SPDYE3: variants seen among roughly 807,000 people sequenced by gnomAD.
SPDYE3 encodes the protein speedy/RINGO cell cycle regulator family member E3.
In SPDYE3, 15 loss-of-function variants were observed where a neutral mutation model predicts 55.0. The ratio of observed to expected loss-of-function variants is 0.27; its 90% CI spans 0.18 to 0.42. SPDYE3 has a LOEUF of 0.42. Ranked by LOEUF, SPDYE3 falls within the 10% of genes least tolerant of loss-of-function variation. SPDYE3 has a pLI of 1.00. For missense variants in SPDYE3, 236 were observed against 576.7 expected (o/e 0.41, Z 6.05); for synonymous variants, 89 against 229.9 (o/e 0.39, Z 5.55).
At chr7:100,318,118 A>C (rs1199115933) in intron 8 of SPDYE3, among the ~76,000 whole-genome samples, 1 of 151,782 alleles carries the variant, frequency 6.6e-6, no homozygotes, top group African/African-American at 2.4e-5. Context: ...TCTCCTTCCC[A>C]CATCAACCGC....
intron 8 of SPDYE3, among the ~76,000 whole-genome samples, chr7:100,318,459 T>A (rs1341765877): frequency 2.0e-5 from 3 of 152,186 alleles, no homozygotes; most frequent in Non-Finnish European, 4.4e-5. Flanking sequence ...TGCCCTCCAC[T>A]TGACTTTGCA....
At chr7:100,309,898 C>T (rs1349748352) in intron 2 of SPDYE3, among the ~76,000 whole-genome samples, 1 of 147,326 alleles carries the variant, frequency 6.8e-6, no homozygotes, top group African/African-American at 2.5e-5. Context: ...AGTTTGAGAC[C>T]AGCCTGGCCA....
In SPDYE3 at chr7:100,319,614, A is replaced by T. The variant is rs200892093; in HGVS notation, c.1396A>T (p.Ile466Phe). The T allele has an allele frequency of 4.8e-3, 7,788 of 1,614,096 alleles. 33 individuals carry two copies. Among genetic ancestry groups the T allele is most frequent in the Middle Eastern group, 0.011 (64 of 6,062 alleles). Residue 466 changes from isoleucine (I) to phenylalanine (F), a missense_variant, in exon 9 of 11, where the codon ATC (isoleucine) becomes TTC (phenylalanine). Coordinates refer to ENST00000332397, the MANE Select transcript of SPDYE3 (RefSeq NM_001004351.5). ...EEDDEAPKQKIFYFLYGKTHS... is the reference protein window; with the variant it reads ...EEDDEAPKQKFFYFLYGKTHS... ...GGACGACGAGGCCCCCAAACAAAAG[A>T]TCTTCTACTTCCTGTACGGGAAGAC...
chr7:100,309,706 G>A (rs960220482), intron 2 of SPDYE3, among the ~76,000 whole-genome samples: 2 of 119,400 alleles, frequency 1.7e-5, no homozygotes, highest in African/African-American at 6.2e-5. Flanking sequence ...GGGTGAGAGA[G>A]TGAGACGCTG....
At position 100,319,700 on chromosome 7, in the gene SPDYE3, G is replaced by A. The variant is rs758269161; in HGVS notation, c.1482G>A (p.Pro494=). The A allele has an allele frequency of 5.0e-6, 8 of 1,614,068 alleles. No individual in the cohort carries two copies. The highest frequency in any genetic ancestry group is 4.0e-5 in the African/African-American group (3 of 74,928). The change falls in exon 9 of 11, where the codon CCG becomes CCA. Residue 494 remains proline, a synonymous_variant. Coordinates refer to ENST00000332397, the MANE Select transcript of SPDYE3 (RefSeq NM_001004351.5). ...HWFQLCRPMN[P]RARKNCSQIA... is the part of the protein sequence containing the mutation. ...TCCAGTTATGCCGTCCCATGAACCC[G>A]AGGGCCAGGAAGAACTGCTCTCAGA...
chr7:100,315,193 T>C (rs368859318), intron 6 of SPDYE3, among the ~76,000 whole-genome samples: 4 of 151,990 alleles, frequency 2.6e-5, no homozygotes, highest in African/African-American at 7.3e-5. Context: ...ACAGGAGAAT[T>C]GCTTAAACCC....
chr7:100,317,051 G>A lies in SPDYE3; in HGVS notation c.1261-19G>A, dbSNP rs1806121293. On this transcript the variant is annotated intron_variant, in intron 7 of 10. Transcript: ENST00000332397. ...CAAGATGTGACCTCTCCCTCTCTGT[G>A]TTCCTTTCTCTCCATCAGTATCTCC... 1 of 1,572,394 alleles carries A rather than the reference G, an allele frequency of 6.4e-7. No individual in the cohort carries two copies. The highest frequency in any genetic ancestry group is 8.7e-7 in the Non-Finnish European group (1 of 1,144,096).
chr7:100,320,470 T>G (rs564173982), intron 10 of SPDYE3: 10 of 997,076 alleles, frequency 1.0e-5, no homozygotes, highest in Non-Finnish European at 1.0e-5. Context: ...CATGAGGAGG[T>G]AGGATTATGG....
intron 8 of SPDYE3, among the ~76,000 whole-genome samples, chr7:100,318,565 T>C (rs1789497495): frequency 6.6e-6 from 1 of 152,160 alleles, no homozygotes; most frequent in Non-Finnish European, 1.5e-5. Flanking sequence ...CTGTGATGCC[T>C]TCCCTCATCT....
rs534593169 is a variant in SPDYE3 at position 100,320,934 on chromosome 7, A to G, written c.*89A>G. 1.6e-4 allele frequency: 192 copies of G among 1,232,426 alleles called. No homozygotes were observed. The African/African-American group carries it at 2.5e-3, about 16-fold the overall frequency. The allele number at this position is 1,232,426 out of a possible 1,614,324, so 76.3% of individuals were successfully genotyped here. A position where few individuals can be genotyped will look rare whatever the true frequency, so the allele number is the denominator to read the frequency against. On this transcript the variant is annotated 3_prime_UTR_variant, in exon 11 of 11. Transcript: ENST00000332397. The stretch of plus-strand genomic sequence containing the variant: ...GATGTGGATTTTCAGCAGGAACTTT[A>G]TTCCAGTGCTAATGGCAGACATCAG...
intron 10 of SPDYE3, 155 bp downstream of exon 10, chr7:100,320,190 C>T: frequency 3.5e-6 from 5 of 1,411,076 alleles, no homozygotes; most frequent in Non-Finnish European, 3.8e-6. Context: ...ATGTGGGAGG[C>T]ATCTCTACTC....
Position 100,320,893 on chromosome 7 carries a change from C to T in SPDYE3, c.*48C>T. On this transcript the variant is annotated splice_region_variant and 3_prime_UTR_variant, in exon 11 of 11. Transcript: ENST00000332397. ...GACATTGTCTCTCTCACTTCCAGAA[C>T]ACCGGACCCAGGGGAGATGTGGATT... is the stretch of plus-strand genomic sequence containing the variant. The T allele has an allele frequency of 8.1e-7, 1 of 1,229,832 alleles. No homozygotes were observed. Among genetic ancestry groups the T allele is most frequent in the Non-Finnish European group, 1.1e-6 (1 of 912,290 alleles). 76.2% of individuals were successfully genotyped at this position (1,229,832 alleles called of 1,614,324 possible). A position where few individuals can be genotyped will look rare whatever the true frequency, so the allele number is the denominator to read the frequency against.
chr7:100,311,413 G>A (rs1328752342), intron 3 of SPDYE3, among the ~76,000 whole-genome samples: 1 of 129,994 alleles, frequency 7.7e-6, no homozygotes, highest in Non-Finnish European at 1.6e-5. Flanking sequence ...TGGAATCCGG[G>A]AGATAGATGT....
chr7:100,315,847 A>G lies in SPDYE3; in HGVS notation c.1260+4A>G, dbSNP rs745540890. 1.1e-5 allele frequency: 18 copies of G among 1,600,156 alleles called. No individual in the cohort carries two copies. Among genetic ancestry groups the G allele is most frequent in the Non-Finnish European group, 1.5e-5 (18 of 1,179,706 alleles). Reference sequence around the variant, plus strand: ...AGATCTGAGGGTGTCAGACAAGGTAAGGTTGTTCTCTATGTAACTGTGTTC... The same window carrying G: ...AGATCTGAGGGTGTCAGACAAGGTAGGGTTGTTCTCTATGTAACTGTGTTC... On this transcript the variant is annotated splice_donor_region_variant and intron_variant, in intron 7 of 10. Coordinates refer to ENST00000332397, the MANE Select transcript of SPDYE3 (RefSeq NM_001004351.5).
chr7:100,317,715 C>G (rs1052437589), intron 8 of SPDYE3, among the ~76,000 whole-genome samples: 17 of 151,106 alleles, frequency 1.1e-4, no homozygotes, highest in Non-Finnish European at 2.4e-4. Context: ...CCTGTAATCT[C>G]AACAGTTTGG....
intron 8 of SPDYE3, 47 bp from the exon 9 acceptor site, chr7:100,319,518 T>C (rs1376900380): frequency 1.9e-6 from 3 of 1,613,392 alleles, no homozygotes; most frequent in East Asian, 2.2e-5. Context: ...CAGCCGGAGG[T>C]CTCTCCTGGT....
chr7:100,315,777 A>C lies in SPDYE3; in HGVS notation c.1202-8A>C. 9 of 1,598,544 alleles carry C rather than the reference A, an allele frequency of 5.6e-6. No homozygotes were observed. Among genetic ancestry groups the C allele is most frequent in the Non-Finnish European group, 6.8e-6 (8 of 1,179,722 alleles). ...CTTCTCACGCTGACATCTGCTCTCT[A>C]ATCACAGAGGATCCTGTCATTAAAA... On this transcript the variant is annotated splice_region_variant and splice_polypyrimidine_tract_variant and intron_variant, in intron 6 of 10. Coordinates refer to ENST00000332397, the MANE Select transcript of SPDYE3 (RefSeq NM_001004351.5).
At position 100,321,134 on chromosome 7, in the gene SPDYE3, G is replaced by C. The variant is rs910067712; in HGVS notation, c.*289G>C. ...AGTGTTTCCAGTTCCACCCTTTCCT[G>C]CGGCACCACCTCCCTTTTTATATTG... is the stretch of plus-strand genomic sequence containing the variant. On this transcript the variant is annotated 3_prime_UTR_variant, in exon 11 of 11. Transcript: ENST00000332397. 5.6e-6 allele frequency: 3 copies of C among 533,284 alleles called. No homozygotes were observed. In the African/African-American group the frequency reaches 5.8e-5, roughly 10 times the overall value. The allele number at this position is 533,284 out of a possible 1,614,324, so 33.0% of individuals were successfully genotyped here. A position where few individuals can be genotyped will look rare whatever the true frequency, so the allele number is the denominator to read the frequency against.
rs1262071782 is a variant in SPDYE3, at chr7:100,319,458, A to C, written c.1347-107A>C. Reference sequence around the variant, plus strand: ...CGTGGCTCTCTGCAGGGTGGGTGCCAGTCCTGAGCTAGGGACGGTCCCTTA... The same window carrying C: ...CGTGGCTCTCTGCAGGGTGGGTGCCCGTCCTGAGCTAGGGACGGTCCCTTA... On this transcript the variant is annotated intron_variant, in intron 8 of 10. Transcript: ENST00000332397. 3.2e-6 allele frequency: 5 copies of C among 1,568,986 alleles called. No individual in the cohort carries two copies. The East Asian group carries it at 1.1e-4, about 35-fold the overall frequency.
Sources: allele counts gnomAD v4.1 joint callset (sites outside exome capture counted in the v4.1 genomes callset), GRCh38; gene constraint gnomAD v4.1.1; transcripts MANE v1.5; gene names NCBI Gene and HGNC (gene_info 2026-07-23, HGNC 2026-07-21).